Variants in NAV3 observed in about 807,000 individuals in gnomAD.
NAV3 encodes the protein neuron navigator 3.
A neutral mutation model predicts 244.7 loss-of-function variants in NAV3; 87 were observed. The observed-to-expected ratio is 0.36, with a 90% confidence interval of 0.30 to 0.42. The LOEUF is 0.42. NAV3 is among the 20% of genes least tolerant of loss of function. The pLI is 1.00. For synonymous variants in NAV3, 1,126 were observed against 1,042.2 expected, an observed-to-expected ratio of 1.08 and a Z score of -1.55; for missense variants, 2,663 against 2,893.3, an observed-to-expected ratio of 0.92 and a Z score of 1.83.
At chr12:78,127,278 C>A (rs2138814258) in intron 17 of NAV3, 70 bp downstream of exon 17, 2 of 1,462,830 alleles carry the variant, frequency 1.4e-6, no homozygotes, top group East Asian at 4.5e-5. Context: ...GTCTCTCTTC[C>A]TTCTTTGTTT....
At chr12:78,116,744 T>A in intron 12 of NAV3, 28 bp from the exon 13 acceptor site, 1 of 1,547,142 alleles carries the variant, frequency 6.5e-7, no homozygotes, top group Non-Finnish European at 8.8e-7. Context: ...TGTGTTTGAT[T>A]CACTGCTCTT....
intron 2 of NAV3, among the ~76,000 whole-genome samples, chr12:77,590,778 A>G (rs1044667742): frequency 1.3e-5 from 2 of 152,236 alleles, no homozygotes. Context: ...ACAGGTTTTT[A>G]TAGTTATTAA....
At chr12:77,980,823 C>T (rs899448858) in intron 5 of NAV3, among the ~76,000 whole-genome samples, 2 of 152,086 alleles carry the variant, frequency 1.3e-5, no homozygotes, top group Non-Finnish European at 2.9e-5. Flanking sequence ...AGCCTCATTT[C>T]CTGAATTCTC....
At chr12:78,174,701 A>T (rs750229693) in intron 24 of NAV3, among the ~76,000 whole-genome samples, 1 of 151,912 alleles carries the variant, frequency 6.6e-6, no homozygotes, top group Non-Finnish European at 1.5e-5. Flanking sequence ...TCACAAACTC[A>T]GTCTACCTAG....
chr12:77,700,005 T>A (rs185855015), intron 2 of NAV3, among the ~76,000 whole-genome samples: 13 of 152,296 alleles, frequency 8.5e-5, no homozygotes, highest in African/African-American at 2.6e-4. Flanking sequence ...CACAGGCCTA[T>A]AGTCTAATCT....
chr12:77,823,374 C>T (rs779047856), intron 2 of NAV3, among the ~76,000 whole-genome samples: 5 of 152,104 alleles, frequency 3.3e-5, no homozygotes, highest in Non-Finnish European at 5.9e-5. Context: ...AGAGATGTTT[C>T]TTCTAATCTT....
chr12:77,848,761 A>G (rs537358713), intron 1 of NAV3, among the ~76,000 whole-genome samples: 203 of 152,346 alleles, frequency 1.3e-3, no homozygotes, highest in South Asian at 5.4e-3. Flanking sequence ...AACAAGATAT[A>G]TGCTACATTT....
chr12:77,741,146 G>GCCAAAAA (rs1868321359), intron 2 of NAV3, among the ~76,000 whole-genome samples: 2 of 7,372 alleles, frequency 2.7e-4, no homozygotes, highest in African/African-American at 8.9e-4. Context: ...AAAAAAAAAA[G>GCCAAAAA]ACAAAAAAAA....
chr12:77,621,837 C>A (rs1309386404), intron 2 of NAV3, among the ~76,000 whole-genome samples: 1 of 151,948 alleles, frequency 6.6e-6, no homozygotes, highest in Non-Finnish European at 1.5e-5. Context: ...TCAAGAAGTC[C>A]CAGCAAAGGA....
intron 4 of NAV3, among the ~76,000 whole-genome samples, chr12:77,967,960 T>A (rs1291525217): frequency 2.0e-5 from 3 of 152,118 alleles, no homozygotes; most frequent in African/African-American, 7.2e-5. Flanking sequence ...GGATATATAT[T>A]TGGAGGATAT....
chr12:77,580,341 C>T (rs1869303553), intron 2 of NAV3, among the ~76,000 whole-genome samples: 1 of 152,090 alleles, frequency 6.6e-6, no homozygotes, highest in Admixed American at 6.6e-5. Context: ...TGGGTCTGGT[C>T]ATTCTTCCTG....
intron 1 of NAV3, among the ~76,000 whole-genome samples, chr12:77,871,641 T>C (rs2136460110): frequency 6.6e-6 from 1 of 152,336 alleles, no homozygotes; most frequent in Non-Finnish European, 1.5e-5. Context: ...GGCTGCATAG[T>C]ATTCCATGGT....
intron 4 of NAV3, among the ~76,000 whole-genome samples, chr12:77,966,532 G>A (rs1892531343): frequency 6.6e-6 from 1 of 151,958 alleles, no homozygotes; most frequent in Non-Finnish European, 1.5e-5. Context: ...CCAACTATAT[G>A]GGAGAGGAGT....
At chr12:77,714,702 T>A (rs566811460) in intron 2 of NAV3, among the ~76,000 whole-genome samples, 4 of 152,306 alleles carry the variant, frequency 2.6e-5, no homozygotes, top group Non-Finnish European at 5.9e-5. Context: ...CATTTTTAAT[T>A]TTGGCATTAA....
intron 1 of NAV3, among the ~76,000 whole-genome samples, chr12:77,865,330 T>G (rs1245784894): frequency 1.3e-5 from 2 of 151,856 alleles, no homozygotes; most frequent in Non-Finnish European, 2.9e-5. Flanking sequence ...AACAGATGAT[T>G]TCCTTTACCC....
At position 77,887,538 on chromosome 12, in the gene NAV3, A is replaced by G. The variant is rs1260120167; in HGVS notation, c.244-52781A>G. On this transcript the variant is annotated intron_variant, in intron 1 of 39. Transcript: ENST00000397909. ...TTTTCTCCACTAGATTATAAACTAC[A>G]TGATAACAAAGGCAATATCTACTTT... is the stretch of plus-strand genomic sequence containing the variant. Among the ~76,000 whole-genome samples the G allele has an allele frequency of 3.9e-5, 6 of 152,290 alleles. No homozygotes were observed. The South Asian group carries it at 6.2e-4, about 16-fold the overall frequency.
intron 3 of NAV3, among the ~76,000 whole-genome samples, chr12:77,965,488 G>A (rs928205233): frequency 5.3e-5 from 8 of 152,030 alleles, no homozygotes; most frequent in African/African-American, 1.7e-4. Context: ...GCGTGGTGGC[G>A]TGCGCCTGTA....
intron 3 of NAV3, among the ~76,000 whole-genome samples, chr12:77,956,275 T>C (rs1438292239): frequency 6.6e-6 from 1 of 152,190 alleles, no homozygotes; most frequent in East Asian, 1.9e-4. Context: ...TAGTATTACA[T>C]GTTTAATGTG....
At chr12:77,677,475 A>G (rs770350463) in intron 2 of NAV3, among the ~76,000 whole-genome samples, 9 of 152,216 alleles carry the variant, frequency 5.9e-5, no homozygotes, top group Non-Finnish European at 8.8e-5. Flanking sequence ...CAAGGGTCCC[A>G]ACACATATTC....
Sources: gnomAD v4.1 joint callset for allele counts (sites outside exome capture counted in the v4.1 genomes callset) on GRCh38, gnomAD v4.1.1 for gene constraint, MANE v1.5 for transcripts, NCBI Gene and HGNC (gene_info 2026-07-23, HGNC 2026-07-21) for gene names.